Variants in CCDC15 observed in about 807,000 individuals in gnomAD.
CCDC15 encodes coiled-coil domain containing 15, also known as coiled-coil domain-containing protein 15.
A neutral mutation model predicts 114.5 loss-of-function variants in CCDC15; 105 were observed. That is an observed-to-expected ratio of 0.92 (90% CI 0.78 to 1.08). The LOEUF (loss-of-function observed/expected upper bound fraction) is 1.08. Among genes scored for constraint, CCDC15 ranks in the 50% least tolerant of loss-of-function variants. CCDC15 has a pLI of 0.00. For synonymous variants in CCDC15, 334 were observed against 377.8 expected (o/e 0.88, Z 1.34); for missense variants, 1,105 against 1,093.6 (o/e 1.01, Z -0.15).
intron 13 of CCDC15, among the ~76,000 whole-genome samples, chr11:125,034,293 C>A (rs1948760921): frequency 6.6e-6 from 1 of 152,200 alleles, no homozygotes; most frequent in African/African-American, 2.4e-5. Context: ...CCACATATCC[C>A]CATTCCCAGT....
At position 125,040,743 on chromosome 11, in the gene CCDC15, G is replaced by C. The variant is rs754570635; in HGVS notation, c.*32G>C. ...TCTGAAATTAACTGGTAGTATTTTG[G>C]CTTTTACTTAAAATCATCCCTGAGA... On this transcript the variant is annotated 3_prime_UTR_variant, in exon 16 of 16. Coordinates refer to ENST00000344762, the MANE Select transcript of CCDC15 (RefSeq NM_025004.3). 1 of 1,595,186 alleles carries C rather than the reference G, an allele frequency of 6.3e-7. No homozygotes were observed.
At chr11:125,013,890 G>A (rs780430250) in intron 13 of CCDC15, among the ~76,000 whole-genome samples, 1 of 152,196 alleles carries the variant, frequency 6.6e-6, no homozygotes, top group Non-Finnish European at 1.5e-5. Flanking sequence ...ACTGCTGGGT[G>A]ACAGAAACAA....
chr11:124,984,473 G>C (rs1318128582), intron 6 of CCDC15, among the ~76,000 whole-genome samples: 1 of 152,144 alleles, frequency 6.6e-6, no homozygotes, highest in Non-Finnish European at 1.5e-5. Context: ...CACTGTTCAC[G>C]TCCGACAGTT....
At chr11:125,009,047 C>T (rs1000038016) in intron 13 of CCDC15, among the ~76,000 whole-genome samples, 3 of 151,992 alleles carry the variant, frequency 2.0e-5, no homozygotes, top group Admixed American at 1.3e-4. Context: ...GGAGTAACCC[C>T]GTCTCTACTA....
At position 124,980,546 on chromosome 11, in the gene CCDC15, G is replaced by A. The variant is rs74755020; in HGVS notation, c.753+2946G>A. ...TTATCCATTTCTTCCAGATTTTCTA[G>A]CTTGTGTGCATAGAGGTGTTCATCA... On this transcript the variant is annotated intron_variant, in intron 6 of 15. Coordinates refer to ENST00000344762, the MANE Select transcript of CCDC15 (RefSeq NM_025004.3). Among the ~76,000 whole-genome samples, 1,129 of 152,270 alleles carry A rather than the reference G, an allele frequency of 7.4e-3. 6 individuals carry two copies. Among genetic ancestry groups the A allele is most frequent in the Middle Eastern group, 0.027 (8 of 294 alleles).
intron 6 of CCDC15, among the ~76,000 whole-genome samples, chr11:124,978,617 C>A (rs79060462): frequency 0.053 from 8,067 of 152,068 alleles, 241 homozygotes; most frequent in Middle Eastern, 0.082. Flanking sequence ...ATGTGTATGT[C>A]TTCTTTTGAA....
chr11:124,992,462 A>G (rs764173074), intron 9 of CCDC15, 118 bp from the exon 10 acceptor site: 8 of 636,976 alleles, frequency 1.3e-5, no homozygotes, highest in African/African-American at 9.2e-5. Context: ...AAAACGTATC[A>G]GAATATTTTT....
Position 124,992,587 on chromosome 11 carries a change from C to A in CCDC15, c.2039C>A (p.Ala680Glu). ...DQDDIKNQQP[A>E]SFMREERVRE... Reference sequence around the variant, plus strand: ...TAAAATATGTTTCTCAAGCAACCTGCATCTTTTATGAGAGAAGAAAGAGTG... The same window carrying A: ...TAAAATATGTTTCTCAAGCAACCTGAATCTTTTATGAGAGAAGAAAGAGTG... Residue 680 changes from alanine (A) to glutamate (E), a missense_variant, in exon 10 of 16, where the codon GCA becomes GAA. Coordinates refer to ENST00000344762, the MANE Select transcript of CCDC15 (RefSeq NM_025004.3). 6.3e-7 allele frequency: 1 copy of A among 1,583,950 alleles called. No individual in the cohort carries two copies. The highest frequency in any genetic ancestry group is 8.6e-7 in the Non-Finnish European group (1 of 1,161,480).
chr11:124,983,622 G>C (rs1012393211), intron 6 of CCDC15, among the ~76,000 whole-genome samples: 1 of 152,034 alleles, frequency 6.6e-6, no homozygotes, highest in African/African-American at 2.4e-5. Context: ...TTTGTTCTCT[G>C]GCCTCTTAAG....
intron 13 of CCDC15, among the ~76,000 whole-genome samples, chr11:125,010,404 G>A (rs1482434140): frequency 6.7e-6 from 1 of 148,718 alleles, no homozygotes; most frequent in South Asian, 2.1e-4. Flanking sequence ...TTAAGATGGA[G>A]TCTCACTCTG....
Position 124,991,603 on chromosome 11 carries a change from TATAAAC to T in CCDC15, c.2031+22_2031+27del, listed in dbSNP as rs1565370295. The stretch of plus-strand genomic sequence containing the variant: ...AATCAGGTAGAGTAGAAGAAAAAGA[TATAAAC>T]AGGAAGGAAGTACCCAGGTTTTATA... On this transcript the variant is annotated intron_variant, in intron 9 of 15. Coordinates refer to ENST00000344762, the MANE Select transcript of CCDC15 (RefSeq NM_025004.3). The T allele has an allele frequency of 6.3e-7, 1 of 1,581,572 alleles. No homozygotes were observed.
At chr11:125,022,895 A>C (rs527661487) in intron 13 of CCDC15, among the ~76,000 whole-genome samples, 1 of 152,062 alleles carries the variant, frequency 6.6e-6, no homozygotes, top group East Asian at 1.9e-4. Context: ...AAAGTTCTTT[A>C]CATACTTTTT....
intron 11 of CCDC15, among the ~76,000 whole-genome samples, chr11:124,998,168 C>G (rs1240315347): frequency 2.0e-5 from 3 of 152,148 alleles, no homozygotes; most frequent in Admixed American, 6.6e-5. Flanking sequence ...TGTTGCCCCC[C>G]AGAGAGGCTG....
At chr11:125,015,102 A>G (rs935677023) in intron 13 of CCDC15, among the ~76,000 whole-genome samples, 1 of 152,194 alleles carries the variant, frequency 6.6e-6, no homozygotes, top group Non-Finnish European at 1.5e-5. Flanking sequence ...TTTAGGTGTC[A>G]CTGAAGCAGT....
Position 124,986,800 on chromosome 11 carries a change from A to G in CCDC15, c.812A>G (p.Lys271Arg). The stretch of plus-strand genomic sequence containing the variant: ...TCTTCATCTCTTGTAACTGATGAGA[A>G]AGGGAAAGAAGATTTGTTTGGGAGA... ...EESSSLVTDE[K>R]GKEDLFGRGQ... Residue 271 changes from lysine (K) to arginine (R), a missense_variant, in exon 7 of 16, where the codon AAA (lysine) becomes AGA (arginine). Transcript: ENST00000344762. The G allele has an allele frequency of 6.4e-7, 1 of 1,553,086 alleles. No individual in the cohort carries two copies. The highest frequency in any genetic ancestry group is 2.0e-5 in the Admixed American group (1 of 51,042).
chr11:124,986,698 T>TGA, intron 6 of CCDC15, 44 bp from the exon 7 acceptor site: 1 of 1,437,424 alleles, frequency 7.0e-7, no homozygotes, highest in Non-Finnish European at 9.2e-7. Context: ...TGTTTGTGTG[T>TGA]GTGCGCGCGC....
At chr11:124,995,129 T>A (rs1303238792) in intron 11 of CCDC15, among the ~76,000 whole-genome samples, 3 of 152,210 alleles carry the variant, frequency 2.0e-5, no homozygotes, top group African/African-American at 7.2e-5. Flanking sequence ...TGCCAGGCTC[T>A]TTCCTACCTC....
At chr11:124,965,538 CTTT>C (rs1455894033) in intron 4 of CCDC15, among the ~76,000 whole-genome samples, 2 of 152,006 alleles carry the variant, frequency 1.3e-5, no homozygotes, top group Non-Finnish European at 2.9e-5. Flanking sequence ...CTCTTTTCTT[CTTT>C]ATTAATCTTG....
intron 5 of CCDC15, among the ~76,000 whole-genome samples, chr11:124,976,624 A>G (rs1449308942): frequency 6.6e-6 from 1 of 152,100 alleles, no homozygotes; most frequent in Non-Finnish European, 1.5e-5. Flanking sequence ...CTACTAAATC[A>G]GAAAAAAAAA....
Sources: gnomAD v4.1 joint callset for allele counts (sites outside exome capture counted in the v4.1 genomes callset) on GRCh38, gnomAD v4.1.1 for gene constraint, MANE v1.5 for transcripts, NCBI Gene and HGNC (gene_info 2026-07-23, HGNC 2026-07-21) for gene names.